The following RSU1 variants were observed in gnomAD, a reference collection of about 807,000 sequenced individuals.
The protein encoded by RSU1 is rsu-1.
A neutral mutation model predicts 31.1 loss-of-function variants in RSU1; 26 were observed. That is an observed-to-expected ratio of 0.84 (90% CI 0.61 to 1.16). The LOEUF is 1.16. Among genes scored for constraint, RSU1 ranks in the 50% most tolerant of loss-of-function variants. The pLI is 0.00. For missense variants in RSU1, 320 were observed against 339.1 expected (o/e 0.94, Z 0.44); for synonymous variants, 164 against 136.3 (o/e 1.20, Z -1.41).
chr10:16,605,038 C>A (rs2131461976), intron 8 of RSU1, among the ~76,000 whole-genome samples: 1 of 152,304 alleles, frequency 6.6e-6, no homozygotes, highest in East Asian at 1.9e-4. Flanking sequence ...CGGAGAGAGA[C>A]TGGGCCTAAG....
chr10:16,639,262 G>A (rs1834399194), intron 8 of RSU1, among the ~76,000 whole-genome samples: 1 of 152,186 alleles, frequency 6.6e-6, no homozygotes, highest in Admixed American at 6.5e-5. Context: ...CCATAAAGCT[G>A]AAAGCAGCTT....
intron 4 of RSU1, among the ~76,000 whole-genome samples, chr10:16,757,005 G>A (rs559138350): frequency 6.7e-6 from 1 of 149,338 alleles, no homozygotes; most frequent in African/African-American, 2.5e-5. Flanking sequence ...TGTGTTTGGG[G>A]GTGTGGTGGT....
rs1197342577 is a variant in RSU1 at position 16,592,816 on chromosome 10, T to C, written c.*578A>G. The stretch of plus-strand genomic sequence containing the variant: ...AGTTTATCATGTATAACCAATAAAA[T>C]TGGATAAGATGATTTTGGGGGAGAA... On this transcript the variant is annotated 3_prime_UTR_variant, in exon 9 of 9. Transcript: ENST00000345264. 3 of 152,216 alleles carry C rather than the reference T, an allele frequency of 2.0e-5. No individual in the cohort carries two copies. Among genetic ancestry groups the C allele is most frequent in the Admixed American group, 1.3e-4 (2 of 15,286 alleles). The allele number at this position is 152,216 out of a possible 1,614,324, so 9.4% of individuals were successfully genotyped here. A position where few individuals can be genotyped will look rare whatever the true frequency, so the allele number is the denominator to read the frequency against.
chr10:16,722,903 C>CACACATATACATATATGTATATAT lies in RSU1; in HGVS notation c.599-27772_599-27749dup, dbSNP rs1564332593. Among the ~76,000 whole-genome samples, 37 of 145,628 alleles carry CACACATATACATATATGTATATAT rather than the reference C, an allele frequency of 2.5e-4. 3 individuals carry two copies. The highest frequency in any genetic ancestry group is 9.1e-4 in the East Asian group (4 of 4,406). On this transcript the variant is annotated intron_variant, in intron 7 of 8. Coordinates refer to ENST00000345264, the MANE Select transcript of RSU1 (RefSeq NM_012425.4). ...ACACATATACATATATGTATATATA[C>CACACATATACATATATGTATATAT]ACACATATACATATATGTATATATA...
In RSU1 at chr10:16,674,646, A is replaced by C. The variant is rs577680881; in HGVS notation, c.731+20377T>G. Among the ~76,000 whole-genome samples, 5 of 152,122 alleles carry C rather than the reference A, an allele frequency of 3.3e-5. No homozygotes were observed. In the East Asian group the frequency reaches 9.6e-4, roughly 29 times the overall value. ...GAGTGGGTGGTGGGCGATGGGGTCC[A>C]CTTTAGATACAGTGATAATGGAAAA... On this transcript the variant is annotated intron_variant, in intron 8 of 8. Transcript: ENST00000345264.
intron 2 of RSU1, among the ~76,000 whole-genome samples, chr10:16,789,906 G>A (rs1286042342): frequency 3.9e-5 from 6 of 152,188 alleles, no homozygotes; most frequent in African/African-American, 9.7e-5. Flanking sequence ...CTAAGAAAAC[G>A]TGTTGACGTG....
At chr10:16,606,908 C>T (rs1207773321) in intron 8 of RSU1, among the ~76,000 whole-genome samples, 3 of 152,170 alleles carry the variant, frequency 2.0e-5, no homozygotes, top group Non-Finnish European at 4.4e-5. Flanking sequence ...CTGCTCTTGG[C>T]ACTGTCCCTC....
chr10:16,693,487 AAAAAG>A (rs1564319635), intron 8 of RSU1, among the ~76,000 whole-genome samples: 1 of 152,106 alleles, frequency 6.6e-6, no homozygotes, highest in Admixed American at 6.5e-5. Context: ...CAAAAAAAAA[AAAAAG>A]AAAAGAAACT....
Position 16,599,576 on chromosome 10 carries a change from A to G in RSU1, c.732-6080T>C, listed in dbSNP as rs551799864. 3.3e-5 allele frequency among the ~76,000 whole-genome samples: 5 copies of G among 152,198 alleles called. No homozygotes were observed. The East Asian group carries it at 9.7e-4, about 29-fold the overall frequency. On this transcript the variant is annotated intron_variant, in intron 8 of 8. Transcript: ENST00000345264. ...CCCTGGGGAACCTCCCTCACCTCCC[A>G]CAGTCTGATGTCTCCATATGCAAGA...
At chr10:16,719,180 T>C (rs557529560) in intron 7 of RSU1, among the ~76,000 whole-genome samples, 6 of 151,978 alleles carry the variant, frequency 3.9e-5, no homozygotes, top group African/African-American at 1.4e-4. Flanking sequence ...TGGTGGCGCA[T>C]GCCTCTAGTC....
intron 8 of RSU1, among the ~76,000 whole-genome samples, chr10:16,644,767 T>A (rs1834505767): frequency 6.6e-6 from 1 of 152,228 alleles, no homozygotes; most frequent in Non-Finnish European, 1.5e-5. Context: ...GTGAACATTT[T>A]CTCAATCCTA....
intron 7 of RSU1, chr10:16,722,950 A>G (rs1483811545): frequency 6.6e-6 from 1 of 150,562 alleles, no homozygotes; most frequent in Non-Finnish European, 1.5e-5. Flanking sequence ...ATATATGTAT[A>G]TATACACACA....
chr10:16,715,778 A>G (rs1564329434), intron 7 of RSU1, among the ~76,000 whole-genome samples: 1 of 152,196 alleles, frequency 6.6e-6, no homozygotes, highest in Admixed American at 6.5e-5. Context: ...TGTTTTGACT[A>G]CTTGAGGTCT....
intron 7 of RSU1, among the ~76,000 whole-genome samples, chr10:16,731,292 C>T (rs530113922): frequency 7.9e-5 from 12 of 151,662 alleles, no homozygotes; most frequent in South Asian, 2.1e-4. Flanking sequence ...TAGCCGGGCG[C>T]GGGGGTGGGC....
chr10:16,748,713 C>T (rs189680616), intron 7 of RSU1, among the ~76,000 whole-genome samples: 5 of 152,198 alleles, frequency 3.3e-5, no homozygotes, highest in African/African-American at 9.6e-5. Context: ...TGCTCTTCCT[C>T]AACACAAGCC....
chr10:16,594,852 T>G (rs559823868), intron 8 of RSU1, among the ~76,000 whole-genome samples: 1 of 149,096 alleles, frequency 6.7e-6, no homozygotes, highest in African/African-American at 2.5e-5. Context: ...TGGTGTGATC[T>G]TGGCTCACTG....
intron 8 of RSU1, among the ~76,000 whole-genome samples, chr10:16,681,498 T>C (rs1230869715): frequency 2.6e-5 from 4 of 152,172 alleles, no homozygotes; most frequent in Admixed American, 6.5e-5. Flanking sequence ...TTGTCTTCTA[T>C]TGCCTTAAAA....
intron 2 of RSU1, among the ~76,000 whole-genome samples, chr10:16,786,071 TG>T (rs1837786261): frequency 6.6e-6 from 1 of 152,196 alleles, no homozygotes; most frequent in Non-Finnish European, 1.5e-5. Context: ...TGGCATTCTC[TG>T]TCTGCTGGAT....
chr10:16,753,114 T>C (rs1214456993), intron 5 of RSU1, 114 bp from the exon 6 acceptor site: 4 of 716,048 alleles, frequency 5.6e-6, no homozygotes, highest in African/African-American at 3.6e-5. Context: ...TGAAAAGCCT[T>C]TGACATACCT....
Sources: gnomAD v4.1 joint callset for allele counts (sites outside exome capture counted in the v4.1 genomes callset) on GRCh38, gnomAD v4.1.1 for gene constraint, MANE v1.5 for transcripts, NCBI Gene and HGNC (gene_info 2026-07-23, HGNC 2026-07-21) for gene names.